DSCAML1: variants seen among roughly 807,000 people sequenced by gnomAD.
DSCAML1 encodes the protein DS cell adhesion molecule like 1.
A neutral mutation model predicts 200.5 loss-of-function variants in DSCAML1; 38 were observed. The observed-to-expected ratio is 0.19, with a 90% CI of 0.15 to 0.25. DSCAML1 has a LOEUF of 0.25. DSCAML1 is among the 10% of genes least tolerant of loss of function. The pLI is 1.00. For missense variants in DSCAML1, 2,223 were observed against 2,858.8 expected, an observed-to-expected ratio of 0.78 and a Z score of 5.07; for synonymous variants, 1,215 against 1,165.0, an observed-to-expected ratio of 1.04 and a Z score of -0.87.
intron 3 of DSCAML1, among the ~76,000 whole-genome samples, chr11:117,686,655 C>T (rs557960100): frequency 5.3e-5 from 8 of 152,294 alleles, no homozygotes; most frequent in East Asian, 1.9e-4. Context: ...GAGTCCTTTC[C>T]GGTGGGCACC....
rs568050569 is a variant in DSCAML1 at position 117,461,016 on chromosome 11, G to A, written c.3412+434C>T. ...TTTGATCGCCCCATTTGAGTGTACC[G>A]ACTATTCCCCACCGGTCCCTGGCTC... On this transcript the variant is annotated intron_variant, in intron 18 of 32. Coordinates refer to ENST00000651296, the MANE Select transcript of DSCAML1 (RefSeq NM_020693.4). Among the ~76,000 whole-genome samples the A allele has an allele frequency of 8.6e-5, 13 of 151,972 alleles. No homozygotes were observed. In the South Asian group the frequency reaches 1.5e-3, roughly 17 times the overall value.
At chr11:117,790,206 C>A (rs1000669371) in intron 1 of DSCAML1, among the ~76,000 whole-genome samples, 1 of 152,224 alleles carries the variant, frequency 6.6e-6, no homozygotes, top group Admixed American at 6.5e-5. Context: ...GTGCCTACTG[C>A]TCTTCCCACA....
rs777234890 is a variant in DSCAML1 at position 117,437,882 on chromosome 11, G to A, written c.4432+13C>T. 3.1e-6 allele frequency: 5 copies of A among 1,596,988 alleles called. No homozygotes were observed. In the African/African-American group the frequency reaches 5.4e-5, roughly 17 times the overall value. On this transcript the variant is annotated intron_variant, in intron 25 of 32. Coordinates refer to ENST00000651296, the MANE Select transcript of DSCAML1 (RefSeq NM_020693.4). The surrounding 1 kb of genome is among the most constrained non-coding windows in gnomAD (Gnocchi z 5.3). Reference sequence around the variant, plus strand: ...CCATCGCTCCTTCCCTGCCCCAGTGGCCTGGGCCTCACCCCGCCCGTGGGT... The same window carrying A: ...CCATCGCTCCTTCCCTGCCCCAGTGACCTGGGCCTCACCCCGCCCGTGGGT...
chr11:117,705,791 T>A (rs1385901949), intron 3 of DSCAML1, among the ~76,000 whole-genome samples: 2 of 152,196 alleles, frequency 1.3e-5, no homozygotes, highest in Non-Finnish European at 2.9e-5. Context: ...AAGTGTTCCA[T>A]AGTGGGGAAG....
intron 1 of DSCAML1, among the ~76,000 whole-genome samples, chr11:117,791,397 T>C (rs1322116639): frequency 1.3e-5 from 2 of 152,204 alleles, no homozygotes; most frequent in Non-Finnish European, 2.9e-5. Context: ...CCTCGCTTTG[T>C]GAGGAGTGCT....
At chr11:117,447,836 C>T (rs2048211443) in intron 20 of DSCAML1, among the ~76,000 whole-genome samples, 1 of 152,210 alleles carries the variant, frequency 6.6e-6, no homozygotes, top group African/African-American at 2.4e-5. Context: ...GCCCTCACCC[C>T]TAGCACCCTC....
At chr11:117,721,233 G>A (rs1200923693) in intron 3 of DSCAML1, among the ~76,000 whole-genome samples, 1 of 152,154 alleles carries the variant, frequency 6.6e-6, no homozygotes, top group Admixed American at 6.5e-5. Context: ...CCAGTTACTG[G>A]CCCAGTTTTA....
At chr11:117,528,265 G>A (rs778171607) in intron 4 of DSCAML1, among the ~76,000 whole-genome samples, 2 of 151,982 alleles carry the variant, frequency 1.3e-5, no homozygotes, top group African/African-American at 2.4e-5. Context: ...CACAAATTCC[G>A]TGGCACACTG....
intron 3 of DSCAML1, among the ~76,000 whole-genome samples, chr11:117,672,102 G>GGAAAAAAAAAGAAAAA (rs1555196987): frequency 0.035 from 3,267 of 94,384 alleles, 61 homozygotes; most frequent in Middle Eastern, 0.052. Context: ...CTCCAGCTCA[G>GGAAAAAAAAAGAAAAA]AAAAAAAAAA....
chr11:117,588,822 C>T (rs1416791253), intron 3 of DSCAML1, among the ~76,000 whole-genome samples: 3 of 152,210 alleles, frequency 2.0e-5, no homozygotes, highest in Non-Finnish European at 4.4e-5. Flanking sequence ...TGTCCCCCTC[C>T]TCTAAGCCAC....
chr11:117,582,838 A>AC lies in DSCAML1; in HGVS notation c.512-50317dup, dbSNP rs572473301. ...GCCCTGAAGTAAATAAAGTTGAAGC[A>AC]CAAGAAGCCTGAGTGGGAGAAACAT... On this transcript the variant is annotated intron_variant, in intron 3 of 32. Transcript: ENST00000651296. Among the ~76,000 whole-genome samples, 39 of 152,300 alleles carry AC rather than the reference A, an allele frequency of 2.6e-4. No homozygotes were observed. The East Asian group carries it at 7.5e-3, about 29-fold the overall frequency.
At chr11:117,638,501 T>A (rs1195430761) in intron 3 of DSCAML1, among the ~76,000 whole-genome samples, 1 of 152,092 alleles carries the variant, frequency 6.6e-6, no homozygotes, top group East Asian at 1.9e-4. Context: ...GTTTTCATCA[T>A]CCCCAAAAGA....
intron 1 of DSCAML1, among the ~76,000 whole-genome samples, chr11:117,784,691 G>C (rs2134060659): frequency 6.6e-6 from 1 of 152,308 alleles, no homozygotes; most frequent in South Asian, 2.1e-4. Context: ...CTGCCTTGAA[G>C]TCTGACAGAA....
intron 3 of DSCAML1, among the ~76,000 whole-genome samples, chr11:117,616,379 G>GA (rs746060679): frequency 2.6e-5 from 4 of 152,328 alleles, no homozygotes; most frequent in East Asian, 1.9e-4. Context: ...TCTAAGACCT[G>GA]AAAAACAGTC....
intron 3 of DSCAML1, among the ~76,000 whole-genome samples, chr11:117,548,839 C>T (rs1591252576): frequency 6.6e-6 from 1 of 152,192 alleles, no homozygotes; most frequent in Non-Finnish European, 1.5e-5. Flanking sequence ...TTTGATCACA[C>T]CCTCTAGAGA....
upstream of DSCAML1, chr11:117,801,680 T>C (rs1447336111): frequency 6.6e-6 from 1 of 152,222 alleles, no homozygotes; most frequent in Non-Finnish European, 1.5e-5. Flanking sequence ...TGCTTGCCAC[T>C]TACTCTCTCA....
intron 5 of DSCAML1, among the ~76,000 whole-genome samples, chr11:117,523,962 T>C (rs571037475): frequency 4.5e-4 from 68 of 152,348 alleles, no homozygotes; most frequent in Admixed American, 3.2e-3. Flanking sequence ...AGTCAGACTC[T>C]TGATGCCGGA....
At chr11:117,750,781 A>C (rs1242987012) in intron 3 of DSCAML1, among the ~76,000 whole-genome samples, 1 of 152,178 alleles carries the variant, frequency 6.6e-6, no homozygotes, top group Non-Finnish European at 1.5e-5. Flanking sequence ...TAGTTCAAGA[A>C]AATACCTGAA....
chr11:117,654,025 T>C (rs1311112004), intron 3 of DSCAML1, among the ~76,000 whole-genome samples: 1 of 152,084 alleles, frequency 6.6e-6, no homozygotes, highest in African/African-American at 2.4e-5. Flanking sequence ...GACCTTTGTT[T>C]CTTAAAAAAA....
Sources: allele counts gnomAD v4.1 joint callset (sites outside exome capture counted in the v4.1 genomes callset), GRCh38; gene constraint gnomAD v4.1.1; non-coding constraint Gnocchi (gnomAD v3.1); transcripts MANE v1.5; gene names NCBI Gene and HGNC (gene_info 2026-07-23, HGNC 2026-07-21).